UNC13B: variants seen among roughly 807,000 people sequenced by gnomAD.
The protein encoded by UNC13B is unc-13 homolog B.
A neutral mutation model predicts 211.0 loss-of-function variants in UNC13B; 144 were observed. That is an observed-to-expected ratio of 0.68 (90% CI 0.60 to 0.78). UNC13B has a LOEUF of 0.78. UNC13B is among the 30% of genes least tolerant of loss of function. The probability of loss-of-function intolerance (pLI) is 0.00; values close to 1 mark genes in which losing one functional copy is unlikely to be tolerated. For synonymous variants in UNC13B, 709 were observed against 725.8 expected (o/e 0.98, Z 0.37); for missense variants, 1,777 against 2,002.0 (o/e 0.89, Z 2.14).
intron 7 of UNC13B, among the ~76,000 whole-genome samples, chr9:35,260,184 T>C (rs1303912028): frequency 6.7e-6 from 1 of 150,102 alleles, no homozygotes; most frequent in Non-Finnish European, 1.5e-5. Context: ...CACTGCAGCC[T>C]GGGCAACAGA....
intron 7 of UNC13B, among the ~76,000 whole-genome samples, chr9:35,261,617 A>C (rs1827278719): frequency 6.6e-6 from 1 of 152,172 alleles, no homozygotes; most frequent in African/African-American, 2.4e-5. Flanking sequence ...TTTGTGTTAC[A>C]AATATTCCAG....
At chr9:35,276,338 G>A (rs1245053289) in intron 7 of UNC13B, among the ~76,000 whole-genome samples, 1 of 148,832 alleles carries the variant, frequency 6.7e-6, no homozygotes, top group Non-Finnish European at 1.5e-5. Context: ...ATAGGGAATA[G>A]ATGGTTTATT....
chr9:35,364,595 CTTT>C, intron 11 of UNC13B: 1 of 1,535,012 alleles, frequency 6.5e-7, no homozygotes, highest in Non-Finnish European at 8.7e-7. Flanking sequence ...TTGGGTCGTC[CTTT>C]TTTGTCTATT....
At chr9:35,218,151 C>T (rs753364268) in intron 1 of UNC13B, among the ~76,000 whole-genome samples, 5 of 152,112 alleles carry the variant, frequency 3.3e-5, no homozygotes, top group Admixed American at 1.3e-4. Context: ...CAGGTTTTCT[C>T]TGAAACTGAT....
At chr9:35,176,972 T>A (rs1480177251) in intron 1 of UNC13B, among the ~76,000 whole-genome samples, 2 of 152,048 alleles carry the variant, frequency 1.3e-5, no homozygotes, top group African/African-American at 4.8e-5. Flanking sequence ...TAGCCAATAT[T>A]CCAAGAGAAA....
chr9:35,401,687 C>T (rs139254434), intron 37 of UNC13B, among the ~76,000 whole-genome samples: 206 of 152,312 alleles, frequency 1.4e-3, no homozygotes, highest in African/African-American at 4.8e-3. Flanking sequence ...TCTTGTCCTG[C>T]TTGTCTCAGA....
At chr9:35,368,021 T>C (rs988861365) in intron 12 of UNC13B, among the ~76,000 whole-genome samples, 2 of 152,248 alleles carry the variant, frequency 1.3e-5, no homozygotes, top group Admixed American at 1.3e-4. Context: ...ACTATATTTT[T>C]ACATGCTCCT....
rs182655533 is a variant in UNC13B at position 35,402,808 on chromosome 9, G to T, written c.12485-359G>T. Among the ~76,000 whole-genome samples, 478 of 152,246 alleles carry T rather than the reference G, an allele frequency of 3.1e-3. 1 individual carries two copies. Among genetic ancestry groups the T allele is most frequent in the Non-Finnish European group, 5.4e-3 (368 of 68,010 alleles). On this transcript the variant is annotated intron_variant, in intron 37 of 39. Transcript: ENST00000635942. ...GAGGACCCACATTTTTCCATTAAGA[G>T]ACACTACCAGGTCAACATAATTCCC...
At chr9:35,175,384 T>C (rs1179249372) in intron 1 of UNC13B, among the ~76,000 whole-genome samples, 1 of 152,192 alleles carries the variant, frequency 6.6e-6, no homozygotes, top group Non-Finnish European at 1.5e-5. Flanking sequence ...GGGCTGATGC[T>C]GCCGCCAAGG....
At chr9:35,346,927 A>T (rs867864468) in intron 11 of UNC13B, among the ~76,000 whole-genome samples, 22 of 139,180 alleles carry the variant, frequency 1.6e-4, no homozygotes, top group South Asian at 6.9e-4. Flanking sequence ...TTTCTTTTTC[A>T]TTTTTTTTTT....
At chr9:35,397,051 C>T (rs1167306017) in intron 28 of UNC13B, 114 bp downstream of exon 28, 2 of 1,598,532 alleles carry the variant, frequency 1.3e-6, no homozygotes, top group Non-Finnish European at 1.7e-6. Flanking sequence ...GTGGAGTTCA[C>T]AGGAGGGCTG....
intron 11 of UNC13B, among the ~76,000 whole-genome samples, chr9:35,316,981 T>A (rs954399359): frequency 6.6e-6 from 1 of 151,968 alleles, no homozygotes; most frequent in Non-Finnish European, 1.5e-5. Flanking sequence ...AGCAAAAAAA[T>A]TTTTGTTAAT....
At chr9:35,249,285 T>C (rs1300488729) in intron 6 of UNC13B, among the ~76,000 whole-genome samples, 2 of 151,930 alleles carry the variant, frequency 1.3e-5, no homozygotes, top group Admixed American at 1.3e-4. Context: ...GTACAGCACA[T>C]TGATGAGTCT....
chr9:35,292,657 T>C (rs968644513), intron 7 of UNC13B, among the ~76,000 whole-genome samples: 5 of 152,260 alleles, frequency 3.3e-5, no homozygotes, highest in Admixed American at 6.5e-5. Context: ...TGTCTCCTAT[T>C]AGACTGACTC....
At chr9:35,186,501 GAAA>G (rs1203517884) in intron 1 of UNC13B, among the ~76,000 whole-genome samples, 3 of 152,110 alleles carry the variant, frequency 2.0e-5, no homozygotes, top group Non-Finnish European at 4.4e-5. Flanking sequence ...CTTGCACCAG[GAAA>G]ATTTAGGACA....
At chr9:35,320,300 G>A (rs966122250) in intron 11 of UNC13B, among the ~76,000 whole-genome samples, 2 of 152,126 alleles carry the variant, frequency 1.3e-5, no homozygotes, top group Non-Finnish European at 2.9e-5. Flanking sequence ...TTTAATTAAA[G>A]TGGAGCAGTA....
chr9:35,396,521 T>A lies in UNC13B; in HGVS notation c.11354T>A (p.Leu3785Gln). 6.2e-7 allele frequency: 1 copy of A among 1,614,154 alleles called. No individual in the cohort carries two copies. Among genetic ancestry groups the A allele is most frequent in the Non-Finnish European group, 8.5e-7 (1 of 1,180,012 alleles). Residue 3785 changes from leucine (L) to glutamine (Q), a missense_variant, in exon 27 of 40, where the codon CTG becomes CAG. By Grantham distance (113) the Leu-to-Gln change is moderately radical. Transcript: ENST00000635942. Reference sequence around the variant, plus strand: ...TGTAAAAGTGCTGACTACATGAACCTGCACTTCAAGGTGAAGTGGCTCCAC... The same window carrying A: ...TGTAAAAGTGCTGACTACATGAACCAGCACTTCAAGGTGAAGTGGCTCCAC... ...HLCKSADYMN[L>Q]HFKVKWLHNE...
intron 1 of UNC13B, among the ~76,000 whole-genome samples, chr9:35,172,981 A>G (rs538911301): frequency 2.2e-4 from 34 of 152,112 alleles, no homozygotes; most frequent in South Asian, 4.1e-4. Context: ...GCTTCTTTAG[A>G]GCTGTAGAAG....
At chr9:35,290,579 G>A (rs1302638485) in intron 7 of UNC13B, among the ~76,000 whole-genome samples, 1 of 151,152 alleles carries the variant, frequency 6.6e-6, no homozygotes, top group Non-Finnish European at 1.5e-5. Flanking sequence ...TTCGCTCCCA[G>A]ACAAGGGAAT....
Sources: allele counts gnomAD v4.1 joint callset (sites outside exome capture counted in the v4.1 genomes callset), GRCh38; gene constraint gnomAD v4.1.1; transcripts MANE v1.5; gene names NCBI Gene and HGNC (gene_info 2026-07-23, HGNC 2026-07-21).